The following ACER3 variants were observed in gnomAD, a reference collection of about 807,000 sequenced individuals.
The protein encoded by ACER3 is alkaline ceramidase 3, also known as alkCDase 3.
In ACER3, 16 loss-of-function variants were observed where a neutral mutation model predicts 48.9. The observed-to-expected ratio is 0.33, with a 90% CI of 0.22 to 0.50. The LOEUF (loss-of-function observed/expected upper bound fraction) is 0.50, where lower values mean the gene tolerates loss of function less well. ACER3 is among the 20% of genes least tolerant of loss of function. ACER3 has a pLI of 0.98. For missense variants in ACER3, 227 were observed against 326.0 expected (o/e 0.70, Z 2.34); for synonymous variants, 109 against 107.8 (o/e 1.01, Z -0.07).
chr11:76,950,407 ATATAATT>A (rs1947629229), intron 2 of ACER3, among the ~76,000 whole-genome samples: 1 of 28,512 alleles, frequency 3.5e-5, no homozygotes, highest in Non-Finnish European at 9.2e-5. Flanking sequence ...ATATATATAT[ATATAATT>A]TACACATGTA....
chr11:76,880,117 A>G (rs566948810), intron 1 of ACER3, among the ~76,000 whole-genome samples: 50 of 152,148 alleles, frequency 3.3e-4, no homozygotes, highest in Non-Finnish European at 6.2e-4. Context: ...CGATTTTATT[A>G]TGTCAGAGGA....
intron 4 of ACER3, among the ~76,000 whole-genome samples, chr11:76,985,055 C>T (rs542033791): frequency 6.5e-4 from 99 of 152,236 alleles, no homozygotes; most frequent in Admixed American, 3.3e-3. Context: ...ATTACTTCTG[C>T]TCATTCATCT....
intron 2 of ACER3, among the ~76,000 whole-genome samples, chr11:76,934,149 T>G (rs1353473160): frequency 6.7e-6 from 1 of 149,638 alleles, no homozygotes; most frequent in East Asian, 2.0e-4. Context: ...GCAGAGACGC[T>G]CCTCACTTCC....
intron 1 of ACER3, among the ~76,000 whole-genome samples, chr11:76,874,021 C>A (rs1248346467): frequency 6.6e-6 from 1 of 151,986 alleles, no homozygotes; most frequent in Non-Finnish European, 1.5e-5. Context: ...GCAGAATATT[C>A]AAAAGAAGTA....
In ACER3 at chr11:76,954,591, G is replaced by T. The variant is rs546379718; in HGVS notation, c.215-4388G>T. Among the ~76,000 whole-genome samples the T allele has an allele frequency of 6.0e-3, 860 of 143,646 alleles. 10 individuals carry two copies. Among genetic ancestry groups the T allele is most frequent in the African/African-American group, 0.021 (812 of 37,858 alleles). 94.2% of individuals were successfully genotyped at this position (143,646 alleles called of 152,430 possible). On this transcript the variant is annotated intron_variant, in intron 2 of 10. Transcript: ENST00000532485. ...GTTTTTTTGTTTAGTGGTTTGGTTG[G>T]TTTTTTTTTTTGTTTTTTGCTTTTT...
chr11:76,932,910 T>C (rs992643487), intron 2 of ACER3, among the ~76,000 whole-genome samples: 1 of 152,044 alleles, frequency 6.6e-6, no homozygotes, highest in Non-Finnish European at 1.5e-5. Context: ...AGGCAGAATC[T>C]ATGAAAGCAG....
At chr11:76,934,861 T>C (rs1048522285) in intron 2 of ACER3, among the ~76,000 whole-genome samples, 5 of 152,180 alleles carry the variant, frequency 3.3e-5, no homozygotes, top group African/African-American at 1.2e-4. Context: ...CCTATTTCCA[T>C]GTAAAATTAG....
intron 1 of ACER3, among the ~76,000 whole-genome samples, chr11:76,920,910 A>C (rs1209045470): frequency 6.6e-6 from 1 of 152,168 alleles, no homozygotes; most frequent in Admixed American, 6.5e-5. Flanking sequence ...AAGTGCTGGG[A>C]TTATAGCCAT....
chr11:76,906,345 G>A (rs997851007), intron 1 of ACER3, among the ~76,000 whole-genome samples: 9 of 152,154 alleles, frequency 5.9e-5, no homozygotes, highest in Non-Finnish European at 1.0e-4. Context: ...ATTACTCCTA[G>A]TATTGGTACT....
At chr11:76,946,008 C>G (rs1947462432) in intron 2 of ACER3, among the ~76,000 whole-genome samples, 1 of 152,178 alleles carries the variant, frequency 6.6e-6, no homozygotes, top group African/African-American at 2.4e-5. Flanking sequence ...AGGGCACAGC[C>G]TTGCATTAAA....
intron 2 of ACER3, chr11:76,957,544 C>A: frequency 2.3e-6 from 1 of 429,982 alleles, no homozygotes; most frequent in Admixed American, 2.6e-5. Flanking sequence ...CCCAGGTTTA[C>A]GCGATCCTTC....
chr11:76,976,694 G>A (rs1948452751), intron 4 of ACER3, among the ~76,000 whole-genome samples: 1 of 152,274 alleles, frequency 6.6e-6, no homozygotes, highest in South Asian at 2.1e-4. Context: ...AGTTTAACAA[G>A]ACGCTTACCA....
At chr11:76,944,705 T>C (rs117020571) in intron 2 of ACER3, among the ~76,000 whole-genome samples, 3,094 of 152,244 alleles carry the variant, frequency 0.02, 37 homozygotes, top group Non-Finnish European at 0.033. Flanking sequence ...TGCAGTGTAT[T>C]TGCCTGGGGA....
intron 1 of ACER3, among the ~76,000 whole-genome samples, chr11:76,906,382 A>G (rs1163480307): frequency 1.3e-5 from 2 of 152,180 alleles, no homozygotes; most frequent in African/African-American, 2.4e-5. Flanking sequence ...GCATTCTGGC[A>G]TTGAGATTCA....
chr11:76,914,548 C>G (rs11237011), intron 1 of ACER3, among the ~76,000 whole-genome samples: 3,232 of 152,110 alleles, frequency 0.021, 116 homozygotes, highest in African/African-American at 0.074. Context: ...GGAAACAACA[C>G]GTGCTGGAGA....
intron 7 of ACER3, among the ~76,000 whole-genome samples, chr11:77,004,221 C>G (rs187414755): frequency 1.4e-3 from 219 of 152,214 alleles, no homozygotes; most frequent in Non-Finnish European, 1.5e-3. Context: ...GGCCCAAGAC[C>G]CCAGGCAAAT....
chr11:76,875,140 A>AATCTCACTCTGTTGCCAGGCTG (rs1439918021), intron 1 of ACER3, among the ~76,000 whole-genome samples: 4 of 72,876 alleles, frequency 5.5e-5, no homozygotes, highest in Non-Finnish European at 1.2e-4. Flanking sequence ...TTTTAGATGG[A>AATCTCACTCTGTTGCCAGGCTG]ATCTCACTCT....
At chr11:76,873,006 G>T (rs1181030134) in intron 1 of ACER3, among the ~76,000 whole-genome samples, 14 of 148,996 alleles carry the variant, frequency 9.4e-5, no homozygotes, top group African/African-American at 3.3e-4. Flanking sequence ...CAAACTCCTG[G>T]GTTCAAGGGA....
rs192443288 is a variant in ACER3 at position 76,953,460 on chromosome 11, T to A, written c.215-5519T>A. ...TAAAAATACAAAAATTAGCTGGGCATGGTGGTGGGTGCCTGTAATCCCAGC... is the reference window on the plus strand; with the variant it reads ...TAAAAATACAAAAATTAGCTGGGCAAGGTGGTGGGTGCCTGTAATCCCAGC... On this transcript the variant is annotated intron_variant, in intron 2 of 10. Coordinates refer to ENST00000532485, the MANE Select transcript of ACER3 (RefSeq NM_018367.7). Among the ~76,000 whole-genome samples the A allele has an allele frequency of 2.4e-4, 36 of 152,150 alleles. No individual in the cohort carries two copies. The East Asian group carries it at 6.6e-3, about 28-fold the overall frequency.
Sources: gnomAD v4.1 joint callset for allele counts (sites outside exome capture counted in the v4.1 genomes callset) on GRCh38, gnomAD v4.1.1 for gene constraint, MANE v1.5 for transcripts, NCBI Gene and HGNC (gene_info 2026-07-23, HGNC 2026-07-21) for gene names.